The following SLC35E1 variants were observed in gnomAD, a reference collection of about 807,000 sequenced individuals.
SLC35E1 encodes the protein solute carrier family 35 member E1, also known as solute carrier family 35, member E1.
SLC35E1 carries 12 observed loss-of-function variants against 31.0 expected under a neutral mutation model. The observed-to-expected ratio is 0.39, with a 90% CI of 0.25 to 0.63. The LOEUF (loss-of-function observed/expected upper bound fraction) is 0.63. Among genes scored for constraint, SLC35E1 ranks in the 20% least tolerant of loss-of-function variants. The probability of loss-of-function intolerance (pLI) is 0.52; values close to 1 mark genes in which losing one functional copy is unlikely to be tolerated. For synonymous variants in SLC35E1, 257 were observed against 264.1 expected (o/e 0.97, Z 0.26); for missense variants, 429 against 572.2 (o/e 0.75, Z 2.55).
At position 16,555,177 on chromosome 19, in the gene SLC35E1, A is replaced by G. The variant is rs2085869266; in HGVS notation, c.977T>C (p.Ile326Thr). 1 of 1,614,134 alleles carries G rather than the reference A, an allele frequency of 6.2e-7. No homozygotes were observed. The highest frequency in any genetic ancestry group is 1.1e-5 in the South Asian group (1 of 91,072). The change falls in exon 5 of 6, where the codon ATC (isoleucine) becomes ACC (threonine). Residue 326 changes from isoleucine to threonine, a missense_variant. Transcript: ENST00000595753. The surrounding 1 kb of genome is among the most constrained non-coding windows in gnomAD (Gnocchi z 4.1). Reference sequence around the variant, plus strand: ...CTTGTTATAGAGGAAGACCCCCAGGATGGCGGTCATCATGCCCAGGACGTT... The same window carrying G: ...CTTGTTATAGAGGAAGACCCCCAGGGTGGCGGTCATCATGCCCAGGACGTT... ...STNVLGMMTA[I>T]LGVFLYNKTK...
chr19:16,559,661 T>TA (rs1419228504), intron 4 of SLC35E1, among the ~76,000 whole-genome samples: 3 of 152,152 alleles, frequency 2.0e-5, no homozygotes, highest in African/African-American at 2.4e-5. Flanking sequence ...CAAAGGAATT[T>TA]AAAAAATTTC....
chr19:16,561,664 G>A (rs916928785), intron 4 of SLC35E1, among the ~76,000 whole-genome samples: 2 of 152,176 alleles, frequency 1.3e-5, no homozygotes, highest in African/African-American at 4.8e-5. Context: ...GTAGACTGGA[G>A]AGCAGCAGAC....
intron 4 of SLC35E1, among the ~76,000 whole-genome samples, chr19:16,559,305 G>C (rs1351203554): frequency 6.6e-6 from 1 of 150,956 alleles, no homozygotes; most frequent in Admixed American, 6.6e-5. Flanking sequence ...GACAGAGCAA[G>C]ACTCCGTCTA....
At chr19:16,560,817 G>A (rs191786156) in intron 4 of SLC35E1, among the ~76,000 whole-genome samples, 4 of 142,628 alleles carry the variant, frequency 2.8e-5, no homozygotes, top group Admixed American at 2.2e-4. Flanking sequence ...AGCTAAGATC[G>A]TGCCACTGCA....
chr19:16,565,292 A>G (rs1568274124), intron 4 of SLC35E1: 3 of 344,170 alleles, frequency 8.7e-6, no homozygotes, highest in African/African-American at 6.7e-5. Flanking sequence ...CTCACTGCAA[A>G]CTCTGCCTCC....
At chr19:16,563,875 G>T (rs1412052088) in intron 4 of SLC35E1, among the ~76,000 whole-genome samples, 1 of 152,202 alleles carries the variant, frequency 6.6e-6, no homozygotes, top group Non-Finnish European at 1.5e-5. Flanking sequence ...GTGTACAGTA[G>T]AATAACATCA....
At chr19:16,568,321 G>T in intron 2 of SLC35E1, 152 bp from the exon 3 acceptor site, 2 of 1,112,954 alleles carry the variant, frequency 1.8e-6, no homozygotes, top group Non-Finnish European at 2.5e-6. Context: ...GTGACGCTCT[G>T]GTGGGTGGCT....
intron 4 of SLC35E1, chr19:16,556,798 C>T (rs142119089): frequency 1.3e-4 from 60 of 464,942 alleles, no homozygotes; most frequent in African/African-American, 1.0e-3. Flanking sequence ...TACCTGACTC[C>T]ATCTCCACTG....
intron 4 of SLC35E1, chr19:16,566,222 T>C (rs552072871): frequency 1.1e-4 from 25 of 231,532 alleles, no homozygotes; most frequent in Non-Finnish European, 1.6e-4. Flanking sequence ...AAAAAGTCAA[T>C]GTGCTATCTG....
chr19:16,566,379 G>T (rs183166318), intron 4 of SLC35E1, 153 bp downstream of exon 4: 1 of 955,824 alleles, frequency 1.0e-6, no homozygotes. Flanking sequence ...CATCGTCACC[G>T]TGAGGCATTA....
chr19:16,555,529 A>C lies in SLC35E1; in HGVS notation c.757-132T>G, dbSNP rs1599315767. On this transcript the variant is annotated intron_variant, in intron 4 of 5. Coordinates refer to ENST00000595753, the MANE Select transcript of SLC35E1 (RefSeq NM_024881.5). This position sits in a 1 kb window ranked among gnomAD's most constrained non-coding sequence, Gnocchi z 4.1. ...GGAGCCTCATGGTCCACAGGCAGCC[A>C]GTCCAGATGTGTCACCAAGAGACAC... The C allele has an allele frequency of 7.9e-7, 1 of 1,265,328 alleles. No homozygotes were observed. Among genetic ancestry groups the C allele is most frequent in the Admixed American group, 2.6e-5 (1 of 38,402 alleles). The allele number at this position is 1,265,328 out of a possible 1,614,324, so 78.4% of individuals were successfully genotyped here.
At chr19:16,569,924 C>A (rs149922543) in intron 2 of SLC35E1, among the ~76,000 whole-genome samples, 1 of 152,188 alleles carries the variant, frequency 6.6e-6, no homozygotes, top group Non-Finnish European at 1.5e-5. Context: ...GAGGGCAGAC[C>A]GAGGGCTGTG....
Position 16,572,322 on chromosome 19 carries a change from GGCCCCCCGCGCCGTGGCCCGC to G in SLC35E1, c.22_42del (p.Ala8_Gly14del), listed in dbSNP as rs2085964626. On this transcript the variant is annotated inframe_deletion, in exon 1 of 6. Coordinates refer to ENST00000595753, the MANE Select transcript of SLC35E1 (RefSeq NM_024881.5). This position sits in a 1 kb window ranked among gnomAD's most constrained non-coding sequence, Gnocchi z 4.1. ...CCACCACTGCTGCTCGCTGCGCCCG[GGCCCCCCGCGCCGTGGCCCGC>G]GCCCACCGCGGCCGCCGCCATCCTG... 8.2e-7 allele frequency: 1 copy of G among 1,223,686 alleles called. No homozygotes were observed. 75.8% of individuals were successfully genotyped at this position (1,223,686 alleles called of 1,614,324 possible). A position where few individuals can be genotyped will look rare whatever the true frequency, so the allele number is the denominator to read the frequency against.
chr19:16,568,588 T>A (rs1277049887), intron 2 of SLC35E1, among the ~76,000 whole-genome samples: 1 of 152,164 alleles, frequency 6.6e-6, no homozygotes, highest in Non-Finnish European at 1.5e-5. Context: ...TGGAGTGTAG[T>A]GGCACAATCG....
intron 2 of SLC35E1, among the ~76,000 whole-genome samples, chr19:16,569,354 G>T (rs1329351446): frequency 6.6e-6 from 1 of 150,760 alleles, no homozygotes; most frequent in African/African-American, 2.4e-5. Context: ...ACATCATCCG[G>T]TCCCGTTAGT....
At chr19:16,570,187 G>A (rs574553976) in intron 2 of SLC35E1, among the ~76,000 whole-genome samples, 26 of 152,298 alleles carry the variant, frequency 1.7e-4, no homozygotes, top group East Asian at 3.9e-4. Flanking sequence ...CCCGTACAAC[G>A]GGGAAACCTG....
Position 16,571,929 on chromosome 19 carries a change from G to A in SLC35E1, c.421+15C>T. Reference sequence around the variant, plus strand: ...GGGCCCGGCCGCCGCCCCCGAGGCCGGGCGCGGAACCTACCGGTGTGTGCA... The same window carrying A: ...GGGCCCGGCCGCCGCCCCCGAGGCCAGGCGCGGAACCTACCGGTGTGTGCA... On this transcript the variant is annotated intron_variant, in intron 1 of 5. Transcript: ENST00000595753. 6.5e-7 allele frequency: 1 copy of A among 1,533,546 alleles called. No homozygotes were observed. Among genetic ancestry groups the A allele is most frequent in the Non-Finnish European group, 8.8e-7 (1 of 1,139,710 alleles). 95.0% of individuals were successfully genotyped at this position (1,533,546 alleles called of 1,614,324 possible). A position where few individuals can be genotyped will look rare whatever the true frequency, so the allele number is the denominator to read the frequency against.
At chr19:16,564,363 T>A (rs2122341310) in intron 4 of SLC35E1, 1 of 152,374 alleles carries the variant, frequency 6.6e-6, no homozygotes, top group Middle Eastern at 3.4e-3. Flanking sequence ...TGGAGTGCAG[T>A]GGTACGATCT....
At chr19:16,566,252 GAA>G (rs1326199597) in intron 4 of SLC35E1, 3 of 399,680 alleles carry the variant, frequency 7.5e-6, no homozygotes, top group African/African-American at 4.1e-5. Context: ...GTCAGGAGGT[GAA>G]AGAGTCACCT....
Sources: allele counts gnomAD v4.1 joint callset (sites outside exome capture counted in the v4.1 genomes callset), GRCh38; gene constraint gnomAD v4.1.1; non-coding constraint Gnocchi (gnomAD v3.1); transcripts MANE v1.5; gene names NCBI Gene and HGNC (gene_info 2026-07-23, HGNC 2026-07-21).